HIRA: variants seen among roughly 807,000 people sequenced by gnomAD.
The protein encoded by HIRA is histone cell cycle regulator.
A neutral mutation model predicts 126.6 loss-of-function variants in HIRA; 13 were observed. The ratio of observed to expected loss-of-function variants is 0.10; its 90% CI spans 0.07 to 0.16. HIRA has a LOEUF of 0.16. Among genes scored for constraint, HIRA ranks in the 10% least tolerant of loss-of-function variants. HIRA has a pLI of 1.00. For synonymous variants in HIRA, 511 were observed against 520.0 expected (o/e 0.98, Z 0.24); for missense variants, 834 against 1,314.4 (o/e 0.63, Z 5.65).
intron 8 of HIRA, among the ~76,000 whole-genome samples, chr22:19,393,987 T>C (rs939126275): frequency 1.3e-5 from 2 of 152,182 alleles, no homozygotes; most frequent in African/African-American, 4.8e-5. Flanking sequence ...CAGTGATCCA[T>C]GGCATGGCCT....
intron 9 of HIRA, among the ~76,000 whole-genome samples, chr22:19,391,723 G>A (rs1027468826): frequency 2.0e-5 from 3 of 151,996 alleles, no homozygotes; most frequent in South Asian, 2.1e-4. Flanking sequence ...CTTGTGATCC[G>A]CCCACCTCGG....
At chr22:19,407,650 G>A (rs576753494) in intron 3 of HIRA, among the ~76,000 whole-genome samples, 133 of 152,296 alleles carry the variant, frequency 8.7e-4, no homozygotes, top group Non-Finnish European at 1.7e-3. Context: ...AAAAGAGTAC[G>A]TGCTAAAAAG....
chr22:19,424,056 T>G (rs767037724), intron 1 of HIRA, among the ~76,000 whole-genome samples: 1 of 152,328 alleles, frequency 6.6e-6, no homozygotes, highest in East Asian at 1.9e-4. Context: ...TCAGCCACTT[T>G]CCATCACCAA....
chr22:19,431,055 A>G (rs1357723454), intron 1 of HIRA, among the ~76,000 whole-genome samples: 1 of 152,178 alleles, frequency 6.6e-6, no homozygotes, highest in Admixed American at 6.5e-5. Flanking sequence ...AAAGGCCACA[A>G]GGGGGATTTC....
intron 15 of HIRA, among the ~76,000 whole-genome samples, chr22:19,372,817 C>T (rs1051305351): frequency 1.3e-5 from 2 of 152,068 alleles, no homozygotes; most frequent in African/African-American, 4.8e-5. Context: ...GGTGATCCAC[C>T]CACCTCAGCC....
In HIRA at chr22:19,379,619, C is replaced by T. The variant is rs533920520; in HGVS notation, c.1416-1553G>A. Among the ~76,000 whole-genome samples, 12 of 139,586 alleles carry T rather than the reference C, an allele frequency of 8.6e-5. No individual in the cohort carries two copies. In the South Asian group the frequency reaches 1.2e-3, roughly 14 times the overall value. The allele number at this position is 139,586 out of a possible 152,430, so 91.6% of individuals were successfully genotyped here. A position where few individuals can be genotyped will look rare whatever the true frequency, so the allele number is the denominator to read the frequency against. The stretch of plus-strand genomic sequence containing the variant: ...CAGCCTGGGCAACAGAGTGAGACTT[C>T]GCCTCAATTAAAAAAAAAAAAAAAG... On this transcript the variant is annotated intron_variant, in intron 13 of 24. Coordinates refer to ENST00000263208, the MANE Select transcript of HIRA (RefSeq NM_003325.4).
rs2088860349 is a variant in HIRA at position 19,361,220 on chromosome 22, A to G, written c.2085+17T>C. ...TGGGTGTGCCTGAGGGAGAACTGGC[A>G]GGGTCCTAGAACTTACCTGGAGGGT... On this transcript the variant is annotated intron_variant, in intron 17 of 24. Transcript: ENST00000263208. 1 of 1,587,930 alleles carries G rather than the reference A, an allele frequency of 6.3e-7. No homozygotes were observed. The highest frequency in any genetic ancestry group is 1.7e-4 in the Middle Eastern group (1 of 6,016).
intron 14 of HIRA, 78 bp from the exon 15 acceptor site, chr22:19,375,870 G>A (rs1467792773): frequency 6.8e-7 from 1 of 1,465,854 alleles, no homozygotes; most frequent in Non-Finnish European, 9.3e-7. Flanking sequence ...ATTATTTGGA[G>A]CCTACTAAAA....
intron 18 of HIRA, among the ~76,000 whole-genome samples, chr22:19,358,783 T>C (rs191821827): frequency 2.0e-5 from 3 of 152,112 alleles, no homozygotes; most frequent in Non-Finnish European, 4.4e-5. Flanking sequence ...AGGAGAAACA[T>C]TGGTTCCCCT....
chr22:19,394,049 G>A (rs1487751619), intron 8 of HIRA, among the ~76,000 whole-genome samples: 1 of 152,078 alleles, frequency 6.6e-6, no homozygotes, highest in African/African-American at 2.4e-5. Flanking sequence ...GTGCTTGGTG[G>A]GTATACCAGA....
chr22:19,399,180 G>A (rs2089247189), intron 5 of HIRA: 11 of 984,344 alleles, frequency 1.1e-5, no homozygotes, highest in Non-Finnish European at 1.3e-5. Context: ...TAACCTCAGC[G>A]CCTGGTGCAG....
intron 24 of HIRA, among the ~76,000 whole-genome samples, chr22:19,348,865 T>G (rs549921778): frequency 6.6e-6 from 1 of 150,686 alleles, no homozygotes; most frequent in African/African-American, 2.4e-5. Flanking sequence ...GGCGTGATCT[T>G]GGCTCTGCCT....
At position 19,354,117 on chromosome 22, in the gene HIRA, T is replaced by C. The variant is rs1556011786; in HGVS notation, c.2563A>G (p.Asn855Asp). 1 of 1,612,448 alleles carries C rather than the reference T, an allele frequency of 6.2e-7. No individual in the cohort carries two copies. Among genetic ancestry groups the C allele is most frequent in the South Asian group, 1.1e-5 (1 of 90,718 alleles). Residue 855 changes from asparagine (N) to aspartate (D), a missense_variant and splice_region_variant, in exon 22 of 25, where the codon AAC becomes GAC. Physicochemically the swap from Asn to Asp is conservative, Grantham distance 23. This residue lies in a region of HIRA where 468 missense variants were observed against 574.2 expected (regional missense o/e 0.82). Coordinates refer to ENST00000263208, the MANE Select transcript of HIRA (RefSeq NM_003325.4). ...YCFNPSLSTW[N>D]LVSDKQDSLA... Reference sequence around the variant, plus strand: ...GAGTCCTGCTTGTCAGAAACCAGGTTCCTGGGGAGGCAAAGGCAGGAGCAG... The same window carrying C: ...GAGTCCTGCTTGTCAGAAACCAGGTCCCTGGGGAGGCAAAGGCAGGAGCAG...
At chr22:19,361,512 T>C (rs1161735184) in intron 16 of HIRA, among the ~76,000 whole-genome samples, 171 bp from the exon 17 acceptor site, 2 of 152,154 alleles carry the variant, frequency 1.3e-5, no homozygotes, top group Non-Finnish European at 2.9e-5. Context: ...GACAAGCCAG[T>C]TGATGCCAGG....
intron 15 of HIRA, among the ~76,000 whole-genome samples, chr22:19,372,235 A>G (rs1238767450): frequency 6.6e-6 from 1 of 152,210 alleles, no homozygotes; most frequent in African/African-American, 2.4e-5. Context: ...GGTTTATAGG[A>G]CCAACACTTA....
chr22:19,368,961 A>T (rs2088939691), intron 15 of HIRA, among the ~76,000 whole-genome samples: 1 of 152,148 alleles, frequency 6.6e-6, no homozygotes, highest in Non-Finnish European at 1.5e-5. Flanking sequence ...CCAGTGGCCC[A>T]CTGGGAACTG....
chr22:19,427,404 A>T (rs982783841), intron 1 of HIRA, among the ~76,000 whole-genome samples: 3 of 151,756 alleles, frequency 2.0e-5, no homozygotes, highest in Non-Finnish European at 4.4e-5. Flanking sequence ...TTACCCACCC[A>T]CTCCTAACTT....
intron 15 of HIRA, chr22:19,365,938 A>G (rs1452895456): frequency 6.6e-6 from 1 of 152,298 alleles, no homozygotes; most frequent in Non-Finnish European, 1.5e-5. Flanking sequence ...TGAACTGCCC[A>G]GTTTGGAAAC....
At position 19,398,091 on chromosome 22, in the gene HIRA, A is replaced by C. The variant is rs2089237481; in HGVS notation, c.398-4T>G. The C allele has an allele frequency of 2.5e-6, 4 of 1,612,072 alleles. No individual in the cohort carries two copies. The East Asian group carries it at 8.9e-5, about 36-fold the overall frequency. ...GACCATGCTACATCCATCACATCTG[A>C]AAGAAGACAGAGGGTTCTGGTGAGA... On this transcript the variant is annotated splice_region_variant and splice_polypyrimidine_tract_variant and intron_variant, in intron 5 of 24. Coordinates refer to ENST00000263208, the MANE Select transcript of HIRA (RefSeq NM_003325.4).
Sources: gnomAD v4.1 joint callset for allele counts (sites outside exome capture counted in the v4.1 genomes callset) on GRCh38, gnomAD v4.1.1 for gene constraint, gnomAD v4.1.1 regional missense constraint, MANE v1.5 for transcripts, NCBI Gene and HGNC (gene_info 2026-07-23, HGNC 2026-07-21) for gene names.